SMARCA2: variants seen among roughly 807,000 people sequenced by gnomAD.
SMARCA2 encodes SWI/SNF related BAF chromatin remodeling complex subunit ATPase 2.
Under a neutral mutation model 199.8 loss-of-function variants are expected in SMARCA2, and 61 were observed. The ratio of observed to expected loss-of-function variants is 0.31; its 90% CI spans 0.25 to 0.38. The LOEUF (loss-of-function observed/expected upper bound fraction) is 0.38. Among genes scored for constraint, SMARCA2 ranks in the 10% least tolerant of loss-of-function variants. The pLI, the probability that SMARCA2 is intolerant of heterozygous loss-of-function variation, is 1.00. For missense variants in SMARCA2, 1,344 were observed against 2,012.2 expected (o/e 0.67, Z 6.35); for synonymous variants, 935 against 732.0 (o/e 1.28, Z -4.48).
rs201349909 is a variant in SMARCA2 at position 2,181,553 on chromosome 9, G to A, written c.4254-18G>A. The A allele has an allele frequency of 1.9e-5, 25 of 1,316,230 alleles. No homozygotes were observed. The highest frequency in any genetic ancestry group is 2.7e-5 in the Non-Finnish European group (25 of 911,048). The allele number at this position is 1,316,230 out of a possible 1,614,324, so 81.5% of individuals were successfully genotyped here. ...TGTTTGATGTGGCTTGTTTTTGTTT[G>A]TTTCACCCATCCTACAGTTCAGGGC... On this transcript the variant is annotated intron_variant, in intron 29 of 33. Transcript: ENST00000349721.
At chr9:2,174,044 C>G (rs1029927244) in intron 29 of SMARCA2, among the ~76,000 whole-genome samples, 1 of 152,130 alleles carries the variant, frequency 6.6e-6, no homozygotes, top group African/African-American at 2.4e-5. Flanking sequence ...TGGTGCTCAG[C>G]CAGTTATGCC....
chr9:2,061,461 G>T (rs1403765971), intron 9 of SMARCA2, among the ~76,000 whole-genome samples: 3 of 152,188 alleles, frequency 2.0e-5, no homozygotes, highest in Admixed American at 1.3e-4. Context: ...TGCTGTCCCT[G>T]TGTCGCAGTG....
intron 31 of SMARCA2, among the ~76,000 whole-genome samples, chr9:2,185,324 C>T (rs7875236): frequency 0.73 from 111,557 of 152,118 alleles, 41,103 homozygotes; most frequent in East Asian, 0.86. Flanking sequence ...CTTAGCGTAA[C>T]AATCCTCCAG....
At chr9:2,177,129 A>G (rs1826664723) in intron 29 of SMARCA2, among the ~76,000 whole-genome samples, 2 of 152,166 alleles carry the variant, frequency 1.3e-5, no homozygotes, top group Admixed American at 6.5e-5. Flanking sequence ...AAATTCTTCA[A>G]TGATATATAT....
At position 2,123,978 on chromosome 9, in the gene SMARCA2, GT is replaced by G; in HGVS notation, c.3981+46del. On this transcript the variant is annotated intron_variant, in intron 27 of 33. Transcript: ENST00000349721. The surrounding 1 kb of genome is among the most constrained non-coding windows in gnomAD (Gnocchi z 4.1). ...CTAACCCGCTCTCACTAGGTGGAGG[GT>G]TTTTGGTGGCTTGGAGAAACCAGGG... 4 of 1,504,676 alleles carry G rather than the reference GT, an allele frequency of 2.7e-6. No individual in the cohort carries two copies. The highest frequency in any genetic ancestry group is 3.6e-6 in the Non-Finnish European group (4 of 1,105,946). 93.2% of individuals were successfully genotyped at this position (1,504,676 alleles called of 1,614,324 possible). A position where few individuals can be genotyped will look rare whatever the true frequency, so the allele number is the denominator to read the frequency against.
intron 4 of SMARCA2, 149 bp downstream of exon 4, chr9:2,040,049 G>T (rs1300366869): frequency 1.4e-6 from 2 of 1,412,910 alleles, no homozygotes; most frequent in Non-Finnish European, 1.9e-6. Context: ...CCACTTAGAT[G>T]GCCAAGATTC....
intron 28 of SMARCA2, among the ~76,000 whole-genome samples, chr9:2,164,910 A>C (rs1238504575): frequency 6.6e-6 from 1 of 152,178 alleles, no homozygotes; most frequent in African/African-American, 2.4e-5. Flanking sequence ...TTTCATATAC[A>C]TTTCATGTTG....
rs183390609 is a variant in SMARCA2 at position 2,045,637 on chromosome 9, T to C, written c.791-1592T>C. ...GTATTTAGATGAAAAAACTTCTTAA[T>C]TATGGAGGTACATCTACAATACCTA... is the stretch of plus-strand genomic sequence containing the variant. On this transcript the variant is annotated intron_variant, in intron 4 of 33. Coordinates refer to ENST00000349721, the MANE Select transcript of SMARCA2 (RefSeq NM_003070.5). 7 of 152,228 alleles carry C rather than the reference T, an allele frequency of 4.6e-5. No individual in the cohort carries two copies. The East Asian group carries it at 1.2e-3, about 25-fold the overall frequency. The allele number at this position is 152,228 out of a possible 1,614,324, so 9.4% of individuals were successfully genotyped here. A position where few individuals can be genotyped will look rare whatever the true frequency, so the allele number is the denominator to read the frequency against.
chr9:2,024,387 C>A (rs774025798), intron 1 of SMARCA2, among the ~76,000 whole-genome samples: 1 of 152,046 alleles, frequency 6.6e-6, no homozygotes, highest in African/African-American at 2.4e-5. Context: ...TTGCTACTTA[C>A]GCACAAGTCT....
At chr9:2,180,345 T>C (rs1007778212) in intron 29 of SMARCA2, among the ~76,000 whole-genome samples, 1 of 152,232 alleles carries the variant, frequency 6.6e-6, no homozygotes, top group African/African-American at 2.4e-5. Flanking sequence ...TTCAGCATTT[T>C]TTCCACTGGT....
intron 27 of SMARCA2, among the ~76,000 whole-genome samples, chr9:2,138,172 C>A (rs1824295282): frequency 8.0e-6 from 1 of 124,272 alleles, no homozygotes; most frequent in East Asian, 2.5e-4. Context: ...CAGCAAAAAA[C>A]AACAACAACA....
At chr9:2,087,241 C>T (rs1821841676) in intron 18 of SMARCA2, 170 bp downstream of exon 18, 4 of 744,936 alleles carry the variant, frequency 5.4e-6, no homozygotes, top group East Asian at 5.3e-5. Context: ...GTTATTTTCC[C>T]CTCCTAGGAA....
At chr9:2,175,890 G>T (rs534085863) in intron 29 of SMARCA2, among the ~76,000 whole-genome samples, 1 of 151,702 alleles carries the variant, frequency 6.6e-6, no homozygotes, top group East Asian at 1.9e-4. Flanking sequence ...TTGTTTGTTT[G>T]TTTTTTGAGA....
rs555426730 is a variant in SMARCA2 at position 2,170,407 on chromosome 9, A to T, written c.4200-12A>T. Reference sequence around the variant, plus strand: ...GTCTTCTGACTCTAGTGTTCTTTCTACTCTACCGCAGGTGTAACGTGGAGA... The same window carrying T: ...GTCTTCTGACTCTAGTGTTCTTTCTTCTCTACCGCAGGTGTAACGTGGAGA... On this transcript the variant is annotated splice_polypyrimidine_tract_variant and intron_variant, in intron 28 of 33. Coordinates refer to ENST00000349721, the MANE Select transcript of SMARCA2 (RefSeq NM_003070.5). This position sits in a 1 kb window ranked among gnomAD's most constrained non-coding sequence, Gnocchi z 4.7. 1 of 1,613,850 alleles carries T rather than the reference A, an allele frequency of 6.2e-7. No homozygotes were observed. Among genetic ancestry groups the T allele is most frequent in the Admixed American group, 1.7e-5 (1 of 59,998 alleles).
chr9:2,186,150 A>T lies in SMARCA2; in HGVS notation c.4516A>T (p.Ile1506Phe), dbSNP rs147135956. 373 of 1,613,954 alleles carry T rather than the reference A, an allele frequency of 2.3e-4. No individual in the cohort carries two copies. The highest frequency in any genetic ancestry group is 3.0e-4 in the Non-Finnish European group (349 of 1,179,940). Residue 1506 changes from isoleucine to phenylalanine, a missense_variant, in exon 32 of 34, where the codon ATT becomes TTT. Coordinates refer to ENST00000349721, the MANE Select transcript of SMARCA2 (RefSeq NM_003070.5). ...AGTGTTTAAGAGTGCCCGGCAGAAA[A>T]TTGCCAAAGAGGAAGAGAGTGAGGA... ...QSVFKSARQKIAKEEESEDES... is the reference protein window; with the variant it reads ...QSVFKSARQKFAKEEESEDES...
intron 27 of SMARCA2, chr9:2,160,002 C>G (rs1015013754): frequency 3.3e-6 from 5 of 1,521,386 alleles, no homozygotes; most frequent in Non-Finnish European, 2.7e-6. Context: ...CCGGTGTTCT[C>G]CGTATTTCTG....
intron 15 of SMARCA2, 118 bp from the exon 16 acceptor site, chr9:2,083,229 A>G: frequency 1.8e-6 from 1 of 541,192 alleles, no homozygotes; most frequent in Non-Finnish European, 3.2e-6. Context: ...TTGTTGAGAT[A>G]TGTTATATTC....
At chr9:2,073,155 C>T (rs1821163070) in intron 10 of SMARCA2, 57 bp from the exon 11 acceptor site, 1 of 1,604,014 alleles carries the variant, frequency 6.2e-7, no homozygotes, top group Non-Finnish European at 8.5e-7. Context: ...ACGTCCAGTA[C>T]AGGACTGGGG....
chr9:2,067,665 A>G (rs760579016), intron 9 of SMARCA2, among the ~76,000 whole-genome samples: 1 of 152,258 alleles, frequency 6.6e-6, no homozygotes, highest in Admixed American at 6.5e-5. Context: ...GCTCAAGATC[A>G]TACAGCTAAG....
Sources: gnomAD v4.1 joint callset for allele counts (sites outside exome capture counted in the v4.1 genomes callset) on GRCh38, gnomAD v4.1.1 for gene constraint, Gnocchi (gnomAD v3.1) non-coding constraint, MANE v1.5 for transcripts, NCBI Gene and HGNC (gene_info 2026-07-23, HGNC 2026-07-21) for gene names.